TLE4: variants seen among roughly 807,000 people sequenced by gnomAD.
TLE4 encodes the protein transducin-like enhancer protein 4.
TLE4 carries 8 observed loss-of-function variants against 92.8 expected under a neutral mutation model. The observed-to-expected ratio is 0.09, with a 90% CI of 0.05 to 0.16. The LOEUF is 0.16. TLE4 is among the 10% of genes least tolerant of loss of function. The pLI, the probability that TLE4 is intolerant of heterozygous loss-of-function variation, is 1.00. For synonymous variants in TLE4, 371 were observed against 374.1 expected (o/e 0.99, Z 0.10); for missense variants, 675 against 997.6 (o/e 0.68, Z 4.36).
At chr9:79,615,933 A>G (rs767879842) in intron 5 of TLE4, among the ~76,000 whole-genome samples, 3 of 152,324 alleles carry the variant, frequency 2.0e-5, no homozygotes, top group Non-Finnish European at 4.4e-5. Flanking sequence ...AGTACTCATC[A>G]CTTGGAGTTC....
At chr9:79,582,371 A>G (rs373158163) in intron 4 of TLE4, among the ~76,000 whole-genome samples, 4 of 152,186 alleles carry the variant, frequency 2.6e-5, no homozygotes, top group African/African-American at 7.2e-5. Context: ...CTTTGTATCT[A>G]GGTATATATC....
intron 5 of TLE4, among the ~76,000 whole-genome samples, chr9:79,615,608 T>G (rs1217072982): frequency 6.6e-6 from 1 of 151,626 alleles, no homozygotes; most frequent in East Asian, 1.9e-4. Flanking sequence ...TGCTTAATAT[T>G]GCTTGCGTCT....
intron 6 of TLE4, among the ~76,000 whole-genome samples, chr9:79,644,885 C>G (rs189203798): frequency 4.4e-4 from 67 of 152,262 alleles, no homozygotes; most frequent in Non-Finnish European, 8.2e-4. Flanking sequence ...TTGGCTAGCT[C>G]CTGGTGGATG....
chr9:79,694,057 T>C (rs1049407006), intron 8 of TLE4, among the ~76,000 whole-genome samples: 44 of 152,298 alleles, frequency 2.9e-4, no homozygotes, highest in Admixed American at 8.5e-4. Flanking sequence ...ACAACCTCTT[T>C]AGCCCACAGT....
intron 1 of TLE4, chr9:79,573,145 GAGGC>G: frequency 1.4e-6 from 1 of 730,316 alleles, no homozygotes; most frequent in South Asian, 5.6e-5. Context: ...AGCGATGAAG[GAGGC>G]GCGACTCCGC....
intron 5 of TLE4, among the ~76,000 whole-genome samples, chr9:79,617,805 G>A (rs1170872876): frequency 6.7e-6 from 1 of 148,634 alleles, no homozygotes; most frequent in Non-Finnish European, 1.5e-5. Flanking sequence ...TGCTTTAACA[G>A]AGATCAAAGG....
intron 8 of TLE4, among the ~76,000 whole-genome samples, chr9:79,684,319 C>G (rs964254479): frequency 6.6e-6 from 1 of 152,158 alleles, no homozygotes; most frequent in South Asian, 2.1e-4. Flanking sequence ...AGGCCATAGA[C>G]CGGTACTGAC....
intron 4 of TLE4, among the ~76,000 whole-genome samples, chr9:79,609,700 A>C (rs555710584): frequency 1.3e-5 from 2 of 152,186 alleles, no homozygotes; most frequent in East Asian, 3.9e-4. Flanking sequence ...TCTGAAGGCA[A>C]TAGTTTAGCA....
intron 6 of TLE4, among the ~76,000 whole-genome samples, chr9:79,647,719 C>A (rs2058307105): frequency 6.6e-6 from 1 of 151,812 alleles, no homozygotes; most frequent in South Asian, 2.1e-4. Context: ...TTAAATAGCT[C>A]TAATTAAGAG....
rs189309999 is a variant in TLE4 at position 79,672,574 on chromosome 9, G to A, written c.609+18499G>A. Among the ~76,000 whole-genome samples, 34 of 152,208 alleles carry A rather than the reference G, an allele frequency of 2.2e-4. No homozygotes were observed. The East Asian group carries it at 3.5e-3, about 16-fold the overall frequency. ...TTGAGGCGGTTCATTCTTACCAACC[G>A]CCAGACCTTTGTTTTTAGAGAAGTG... On this transcript the variant is annotated intron_variant, in intron 8 of 19. Transcript: ENST00000376552.
chr9:79,631,945 C>T (rs1370314728), intron 6 of TLE4, among the ~76,000 whole-genome samples: 1 of 152,096 alleles, frequency 6.6e-6, no homozygotes, highest in Admixed American at 6.6e-5. Context: ...ACATGGCCTC[C>T]AGTAACACAC....
intron 5 of TLE4, among the ~76,000 whole-genome samples, chr9:79,613,213 C>G (rs2048758480): frequency 6.6e-6 from 1 of 152,076 alleles, no homozygotes; most frequent in South Asian, 2.1e-4. Context: ...TATTATTGTG[C>G]TTTTGGGAAA....
intron 9 of TLE4, 133 bp from the exon 10 acceptor site, chr9:79,705,756 C>T: frequency 1.1e-6 from 1 of 893,862 alleles, no homozygotes; most frequent in Non-Finnish European, 1.9e-6. Flanking sequence ...GAAAATAGGA[C>T]ATTGTCAAGT....
At chr9:79,625,954 T>A (rs984623619) in intron 5 of TLE4, among the ~76,000 whole-genome samples, 1 of 151,356 alleles carries the variant, frequency 6.6e-6, no homozygotes, top group Admixed American at 6.6e-5. Context: ...GAAAATGGAA[T>A]GCATACAATT....
intron 8 of TLE4, chr9:79,671,157 T>G: frequency 2.3e-6 from 1 of 431,026 alleles, no homozygotes; most frequent in Non-Finnish European, 4.8e-6. Flanking sequence ...GGATTTTGTG[T>G]TTAGGGATAG....
At chr9:79,721,704 CT>C in intron 16 of TLE4, 36 bp from the exon 17 acceptor site, 1 of 1,613,184 alleles carries the variant, frequency 6.2e-7, no homozygotes, top group Non-Finnish European at 8.5e-7. Context: ...TAAAAGCTAA[CT>C]TTTCAAGGGC....
At chr9:79,606,345 T>A (rs1164313830) in intron 4 of TLE4, among the ~76,000 whole-genome samples, 3 of 145,436 alleles carry the variant, frequency 2.1e-5, no homozygotes, top group Non-Finnish European at 4.5e-5. Flanking sequence ...TTTTTTTTTT[T>A]AAGAATACCT....
In TLE4 at chr9:79,670,544, C is replaced by T. The variant is rs1316229403; in HGVS notation, c.609+16469C>T. ...CAAGCAGGTATTCATGTTTGCTGTG[C>T]TTTTAAAGCTAAAATATCACCCTTG... On this transcript the variant is annotated intron_variant, in intron 8 of 19. Coordinates refer to ENST00000376552, the MANE Select transcript of TLE4 (RefSeq NM_007005.6). 2.0e-5 allele frequency among the ~76,000 whole-genome samples: 3 copies of T among 152,196 alleles called. No individual in the cohort carries two copies. The East Asian group carries it at 5.8e-4, about 29-fold the overall frequency.
chr9:79,593,069 C>T (rs1455794554), intron 4 of TLE4, among the ~76,000 whole-genome samples: 1 of 152,134 alleles, frequency 6.6e-6, no homozygotes, highest in Admixed American at 6.5e-5. Flanking sequence ...CTTTTAGACA[C>T]TTGTCTTAAG....
Sources: allele counts gnomAD v4.1 joint callset (sites outside exome capture counted in the v4.1 genomes callset), GRCh38; gene constraint gnomAD v4.1.1; transcripts MANE v1.5; gene names NCBI Gene and HGNC (gene_info 2026-07-23, HGNC 2026-07-21).